PPP1R13B: variants seen among roughly 807,000 people sequenced by gnomAD.
The protein encoded by PPP1R13B is protein phosphatase 1 regulatory subunit 13B.
Under a neutral mutation model 119.8 loss-of-function variants are expected in PPP1R13B, and 44 were observed. The ratio of observed to expected loss-of-function variants is 0.37; its 90% CI spans 0.29 to 0.47. The LOEUF (loss-of-function observed/expected upper bound fraction) is 0.47. PPP1R13B is among the 20% of genes least tolerant of loss of function. PPP1R13B has a pLI of 0.99. For missense variants in PPP1R13B, 1,227 were observed against 1,413.5 expected (o/e 0.87, Z 2.12); for synonymous variants, 542 against 561.5 (o/e 0.97, Z 0.49).
At chr14:103,782,420 C>T (rs1386306099) in intron 3 of PPP1R13B, among the ~76,000 whole-genome samples, 1 of 152,194 alleles carries the variant, frequency 6.6e-6, no homozygotes, top group African/African-American at 2.4e-5. Context: ...TTCCTACCAG[C>T]AATGCTCAGT....
intron 12 of PPP1R13B, 92 bp from the exon 13 acceptor site, chr14:103,739,115 C>G (rs1335526140): frequency 6.6e-7 from 1 of 1,517,146 alleles, no homozygotes; most frequent in Non-Finnish European, 8.8e-7. Context: ...GGAGCTAAAG[C>G]CCAAAGACAG....
chr14:103,735,752 T>C lies in PPP1R13B; in HGVS notation c.3231+251A>G, dbSNP rs148375655. On this transcript the variant is annotated intron_variant, in intron 16 of 16. Coordinates refer to ENST00000202556, the MANE Select transcript of PPP1R13B (RefSeq NM_015316.3). Reference sequence around the variant, plus strand: ...GAAGTTCATCATGAACCGAGCTCATTGAGCGGCCCCTCACTGGGGCACTCA... The same window carrying C: ...GAAGTTCATCATGAACCGAGCTCATCGAGCGGCCCCTCACTGGGGCACTCA... Among the ~76,000 whole-genome samples the C allele has an allele frequency of 8.8e-4, 134 of 152,302 alleles. 3 individuals carry two copies. In the East Asian group the frequency reaches 0.02, roughly 23 times the overall value.
intron 1 of PPP1R13B, among the ~76,000 whole-genome samples, chr14:103,808,608 A>G (rs1480616283): frequency 6.6e-6 from 1 of 152,152 alleles, no homozygotes; most frequent in Non-Finnish European, 1.5e-5. Context: ...GTGGCACTGC[A>G]GGGTAACGGG....
intron 1 of PPP1R13B, among the ~76,000 whole-genome samples, chr14:103,797,854 T>C (rs2085796036): frequency 6.6e-6 from 1 of 151,432 alleles, no homozygotes; most frequent in African/African-American, 2.4e-5. Flanking sequence ...AAATGGCAAA[T>C]GATGAGGGAG....
intron 1 of PPP1R13B, among the ~76,000 whole-genome samples, chr14:103,799,439 A>C (rs1320333514): frequency 6.6e-6 from 1 of 151,894 alleles, no homozygotes; most frequent in African/African-American, 2.4e-5. Flanking sequence ...TGGCCTCCCA[A>C]AATGCTGGGA....
chr14:103,848,583 G>T (rs1294996030), upstream of PPP1R13B: 19 of 796,040 alleles, frequency 2.4e-5, no homozygotes, highest in Non-Finnish European at 2.6e-5. Context: ...GGCAAGGTCT[G>T]CGGATGGCCC....
intron 1 of PPP1R13B, chr14:103,846,707 C>A: frequency 2.2e-6 from 1 of 455,928 alleles, no homozygotes; most frequent in Non-Finnish European, 4.4e-6. Context: ...ACAAAGACAC[C>A]ACCACTACAA....
At chr14:103,739,189 G>T in intron 12 of PPP1R13B, 166 bp from the exon 13 acceptor site, 1 of 846,188 alleles carries the variant, frequency 1.2e-6, no homozygotes. Context: ...CCTCAAATAA[G>T]GGCCAGGGCC....
At position 103,734,459 on chromosome 14, in the gene PPP1R13B, A is replaced by C; in HGVS notation, c.*695T>G. Reference sequence around the variant, plus strand: ...CTGTGAGATCGGAGGAGAAGAGTATATGCTGAGGCTCTCCCAGTTGTCACT... The same window carrying C: ...CTGTGAGATCGGAGGAGAAGAGTATCTGCTGAGGCTCTCCCAGTTGTCACT... On this transcript the variant is annotated 3_prime_UTR_variant, in exon 17 of 17. Coordinates refer to ENST00000202556, the MANE Select transcript of PPP1R13B (RefSeq NM_015316.3). 2.2e-6 allele frequency: 1 copy of C among 454,264 alleles called. No individual in the cohort carries two copies. The highest frequency in any genetic ancestry group is 4.4e-6 in the Non-Finnish European group (1 of 225,800). 28.1% of individuals were successfully genotyped at this position (454,264 alleles called of 1,614,324 possible).
intron 1 of PPP1R13B, among the ~76,000 whole-genome samples, chr14:103,844,119 T>C (rs2086971527): frequency 6.6e-6 from 1 of 151,552 alleles, no homozygotes; most frequent in Non-Finnish European, 1.5e-5. Context: ...ATACAAAAAT[T>C]AGCCGTTTGC....
In PPP1R13B at chr14:103,746,713, G is replaced by C. The variant is rs2084394908; in HGVS notation, c.970-160C>G. The stretch of plus-strand genomic sequence containing the variant: ...AGATCAGCATCTAGAAGGGGAGACT[G>C]TGGAGAAGGAACTGTAGCTTCCTAT... On this transcript the variant is annotated intron_variant, in intron 8 of 16. Transcript: ENST00000202556. 1.4e-5 allele frequency: 8 copies of C among 575,340 alleles called. No individual in the cohort carries two copies. The East Asian group carries it at 2.2e-4, about 16-fold the overall frequency. The allele number at this position is 575,340 out of a possible 1,614,324, so 35.6% of individuals were successfully genotyped here.
intron 1 of PPP1R13B, among the ~76,000 whole-genome samples, chr14:103,824,235 G>A (rs1181664694): frequency 2.7e-5 from 4 of 149,896 alleles, no homozygotes; most frequent in Non-Finnish European, 4.5e-5. Context: ...TAGTAGAGAC[G>A]GGATTTCACC....
At chr14:103,749,769 A>C (rs752165123) in intron 8 of PPP1R13B, 25 bp downstream of exon 8, 1 of 1,607,726 alleles carries the variant, frequency 6.2e-7, no homozygotes, top group South Asian at 1.1e-5. Context: ...TTAGTAGTTT[A>C]TCTCACAAAA....
intron 1 of PPP1R13B, among the ~76,000 whole-genome samples, chr14:103,826,224 C>T (rs912168210): frequency 2.0e-5 from 3 of 152,156 alleles, no homozygotes; most frequent in Non-Finnish European, 4.4e-5. Flanking sequence ...GTGTGACTCA[C>T]TTTATTGCGA....
At chr14:103,796,886 G>T (rs755421407) in intron 2 of PPP1R13B, among the ~76,000 whole-genome samples, 27 of 152,166 alleles carry the variant, frequency 1.8e-4, no homozygotes, top group Non-Finnish European at 2.4e-4. Context: ...GAACCCAGGA[G>T]GCGGAGGTTG....
At chr14:103,737,313 C>A in intron 15 of PPP1R13B, 1 of 170,372 alleles carries the variant, frequency 5.9e-6, no homozygotes, top group East Asian at 1.7e-4. Context: ...CCTGTGATCC[C>A]AGCACTTTAG....
Position 103,819,092 on chromosome 14 carries a change from G to A in PPP1R13B, c.10-21574C>T, listed in dbSNP as rs902497285. Among the ~76,000 whole-genome samples, 7 of 152,324 alleles carry A rather than the reference G, an allele frequency of 4.6e-5. No individual in the cohort carries two copies. The South Asian group carries it at 1.2e-3, about 27-fold the overall frequency. Reference sequence around the variant, plus strand: ...TTCAGGCGAAGGGAACAAGTGCAAAGGCCCTGAGGCAGAATGAATGCCTGA... The same window carrying A: ...TTCAGGCGAAGGGAACAAGTGCAAAAGCCCTGAGGCAGAATGAATGCCTGA... On this transcript the variant is annotated intron_variant, in intron 1 of 16. Coordinates refer to ENST00000202556, the MANE Select transcript of PPP1R13B (RefSeq NM_015316.3).
intron 8 of PPP1R13B, among the ~76,000 whole-genome samples, chr14:103,748,175 G>C (rs542543391): frequency 6.6e-6 from 1 of 152,184 alleles, no homozygotes; most frequent in South Asian, 2.1e-4. Flanking sequence ...CGCCATTACT[G>C]AGGAGCATAT....
At chr14:103,735,344 C>CCA in intron 16 of PPP1R13B, 149 bp from the exon 17 acceptor site, 2 of 735,608 alleles carry the variant, frequency 2.7e-6, no homozygotes, top group Non-Finnish European at 4.9e-6. Context: ...CACCTCTACA[C>CCA]TGAGACCCAC....
Sources: allele counts gnomAD v4.1 joint callset (sites outside exome capture counted in the v4.1 genomes callset), GRCh38; gene constraint gnomAD v4.1.1; transcripts MANE v1.5; gene names NCBI Gene and HGNC (gene_info 2026-07-23, HGNC 2026-07-21).